Variants in CDH7 observed in about 807,000 individuals in gnomAD.
CDH7 encodes cadherin-7.
Under a neutral mutation model 71.8 loss-of-function variants are expected in CDH7, and 25 were observed. That is an observed-to-expected ratio of 0.35 (90% CI 0.25 to 0.49). CDH7 has a LOEUF of 0.49. Among genes scored for constraint, CDH7 ranks in the 20% least tolerant of loss-of-function variants. CDH7 has a pLI of 0.99. For synonymous variants in CDH7, 381 were observed against 363.8 expected, an observed-to-expected ratio of 1.05 and a Z score of -0.54; for missense variants, 862 against 974.6, an observed-to-expected ratio of 0.88 and a Z score of 1.54.
intron 2 of CDH7, among the ~76,000 whole-genome samples, chr18:65,764,217 C>T (rs1916287178): frequency 6.6e-6 from 1 of 151,948 alleles, no homozygotes; most frequent in South Asian, 2.1e-4. Context: ...TGATGAGCAT[C>T]TACATCAATC....
chr18:65,881,874 C>CA lies in CDH7; in HGVS notation c.*983dup, dbSNP rs534999803. 3.3e-5 allele frequency: 5 copies of CA among 152,084 alleles called. No homozygotes were observed. The highest frequency in any genetic ancestry group is 7.4e-5 in the Non-Finnish European group (5 of 68,024). The allele number at this position is 152,084 out of a possible 1,614,324, so 9.4% of individuals were successfully genotyped here. The stretch of plus-strand genomic sequence containing the variant: ...TTGAGCCCTGTTGCAGGTCACATCT[C>CA]AAAGAGGAGCACAGCTACAAGGACA... On this transcript the variant is annotated 3_prime_UTR_variant, in exon 12 of 12. Coordinates refer to ENST00000397968, the MANE Select transcript of CDH7 (RefSeq NM_004361.5).
At position 65,782,002 on chromosome 18, in the gene CDH7, CTT is replaced by C. The variant is rs1236381336; in HGVS notation, c.210+18952_210+18953del. Among the ~76,000 whole-genome samples, 122 of 85,080 alleles carry C rather than the reference CTT, an allele frequency of 1.4e-3. 12 individuals carry two copies. Among genetic ancestry groups the C allele is most frequent in the African/African-American group, 4.2e-3 (48 of 11,506 alleles). 55.8% of individuals were successfully genotyped at this position (85,080 alleles called of 152,430 possible). On this transcript the variant is annotated intron_variant, in intron 2 of 11. Transcript: ENST00000397968. Reference sequence around the variant, plus strand: ...TCTCTCTCTCTTTCTCTCTTTCTCTCTTTCTCTCTTTCTCTCTCTCTTTCTCC... The same window carrying C: ...TCTCTCTCTCTTTCTCTCTTTCTCTCTCTCTCTTTCTCTCTCTCTTTCTCC...
intron 7 of CDH7, among the ~76,000 whole-genome samples, chr18:65,848,087 C>T (rs775531533): frequency 2.0e-5 from 3 of 151,944 alleles, no homozygotes; most frequent in Non-Finnish European, 4.4e-5. Context: ...TACTCAATAT[C>T]GGGCTTTATC....
intron 4 of CDH7, among the ~76,000 whole-genome samples, chr18:65,819,884 C>T (rs1568202566): frequency 6.6e-6 from 1 of 150,948 alleles, no homozygotes; most frequent in African/African-American, 2.4e-5. Flanking sequence ...GTTGTCTAGG[C>T]TCCTGAGGGT....
chr18:65,842,615 C>T (rs1301601265), intron 6 of CDH7, among the ~76,000 whole-genome samples: 2 of 151,730 alleles, frequency 1.3e-5, no homozygotes, highest in Admixed American at 1.3e-4. Context: ...TATATACATC[C>T]TATTGTATAC....
At chr18:65,761,036 C>A (rs7228316) in intron 1 of CDH7, among the ~76,000 whole-genome samples, 57,172 of 151,898 alleles carry the variant, frequency 0.38, 11,445 homozygotes, top group African/African-American at 0.51. Flanking sequence ...AGGGTGGTTT[C>A]TAAATGGAAT....
intron 7 of CDH7, 109 bp downstream of exon 7, chr18:65,844,174 G>GATTTATATATATATAGATATATATATAT (rs71167157): frequency 4.5e-6 from 1 of 222,152 alleles, no homozygotes; most frequent in Non-Finnish European, 8.3e-6. Context: ...ATAAAAACCA[G>GATTTATATATATATAGATATATATATAT]ATATATATAT....
intron 2 of CDH7, among the ~76,000 whole-genome samples, chr18:65,778,221 G>A (rs370424487): frequency 1.4e-5 from 2 of 139,200 alleles, no homozygotes; most frequent in East Asian, 2.2e-4. Flanking sequence ...GCAGTGAGCC[G>A]AGATCATGCT....
At chr18:65,849,779 A>T (rs1913080696) in intron 7 of CDH7, among the ~76,000 whole-genome samples, 1 of 152,104 alleles carries the variant, frequency 6.6e-6, no homozygotes, top group Non-Finnish European at 1.5e-5. Context: ...AGACTTTCTT[A>T]GTTACCTTTT....
chr18:65,772,336 C>T (rs893936504), intron 2 of CDH7, among the ~76,000 whole-genome samples: 8 of 152,132 alleles, frequency 5.3e-5, no homozygotes, highest in South Asian at 2.1e-4. Flanking sequence ...AGATAAAAAT[C>T]GGCATTTTCT....
intron 1 of CDH7, among the ~76,000 whole-genome samples, chr18:65,758,101 T>A (rs1373415780): frequency 6.6e-6 from 1 of 152,246 alleles, no homozygotes; most frequent in African/African-American, 2.4e-5. Flanking sequence ...TATTGTGGTA[T>A]CTTTCTACAT....
intron 6 of CDH7, among the ~76,000 whole-genome samples, chr18:65,843,336 A>C (rs2628256): frequency 0.98 from 148,408 of 152,200 alleles, 72,448 homozygotes; most frequent in East Asian, 1. Flanking sequence ...CTTGCCCCTG[A>C]AGCCACACTT....
intron 11 of CDH7, among the ~76,000 whole-genome samples, chr18:65,871,655 A>G (rs1383409771): frequency 6.6e-6 from 1 of 152,192 alleles, no homozygotes; most frequent in East Asian, 1.9e-4. Context: ...AGAGCACACA[A>G]TAGGAAACAA....
chr18:65,756,451 A>T (rs1037322371), intron 1 of CDH7, among the ~76,000 whole-genome samples: 1 of 152,236 alleles, frequency 6.6e-6, no homozygotes, highest in Non-Finnish European at 1.5e-5. Context: ...TTGGACTATC[A>T]TTCTCCATCT....
intron 11 of CDH7, chr18:65,865,157 A>G (rs1913714527): frequency 6.6e-6 from 1 of 152,110 alleles, no homozygotes. Context: ...AACACTTTCA[A>G]CTTTGACTTT....
intron 2 of CDH7, among the ~76,000 whole-genome samples, chr18:65,784,537 C>T (rs1910443101): frequency 6.6e-6 from 1 of 152,076 alleles, no homozygotes; most frequent in African/African-American, 2.4e-5. Context: ...GGGTGAAGTG[C>T]TCTTTGCCAT....
At chr18:65,775,112 G>C (rs918967830) in intron 2 of CDH7, among the ~76,000 whole-genome samples, 1 of 152,152 alleles carries the variant, frequency 6.6e-6, no homozygotes, top group Non-Finnish European at 1.5e-5. Flanking sequence ...TAGAGAATTA[G>C]AAGTTATACA....
intron 1 of CDH7, among the ~76,000 whole-genome samples, chr18:65,755,863 G>A (rs921968565): frequency 6.6e-6 from 1 of 152,140 alleles, no homozygotes; most frequent in Non-Finnish European, 1.5e-5. Context: ...AGTCTTCAGA[G>A]AAGACAGTGG....
rs530244495 is a variant in CDH7 at position 65,887,469 on chromosome 18, C to G, written c.*6575C>G. 1 of 147,390 alleles carries G rather than the reference C, an allele frequency of 6.8e-6. No homozygotes were observed. Among genetic ancestry groups the G allele is most frequent in the South Asian group, 2.2e-4 (1 of 4,564 alleles). 9.1% of individuals were successfully genotyped at this position (147,390 alleles called of 1,614,324 possible). A position where few individuals can be genotyped will look rare whatever the true frequency, so the allele number is the denominator to read the frequency against. ...GTGTGGTGTTCCCCTTCCTGTGTAA[C>G]TATATAGCAATTTCATTTTACATGC... On this transcript the variant is annotated 3_prime_UTR_variant, in exon 12 of 12. Transcript: ENST00000397968.
Sources: allele counts gnomAD v4.1 joint callset (sites outside exome capture counted in the v4.1 genomes callset), GRCh38; gene constraint gnomAD v4.1.1; transcripts MANE v1.5; gene names NCBI Gene and HGNC (gene_info 2026-07-23, HGNC 2026-07-21).